The following FER1L5 variants were observed in gnomAD, a reference collection of about 807,000 sequenced individuals.
FER1L5 encodes the protein fer-1-like protein 5.
FER1L5 carries 187 observed loss-of-function variants against 279.9 expected under a neutral mutation model. The ratio of observed to expected loss-of-function variants is 0.67; its 90% confidence interval spans 0.59 to 0.75. FER1L5 has a LOEUF of 0.75. Among genes scored for constraint, FER1L5 ranks in the 30% least tolerant of loss-of-function variants. The pLI is 0.00. For synonymous variants in FER1L5, 921 were observed against 989.7 expected (o/e 0.93, Z 1.30); for missense variants, 2,091 against 2,594.4 (o/e 0.81, Z 4.21).
Position 96,695,557 on chromosome 2 carries a change from C to T in FER1L5, c.3790C>T (p.Leu1264Phe), listed in dbSNP as rs778810330. 3.1e-6 allele frequency: 5 copies of T among 1,594,004 alleles called. No homozygotes were observed. Among genetic ancestry groups the T allele is most frequent in the Non-Finnish European group, 3.4e-6 (4 of 1,170,694 alleles). Residue 1264 changes from leucine to phenylalanine, a missense_variant, in exon 35 of 53, where the codon CTC becomes TTC. Coordinates refer to ENST00000624922, the MANE Select transcript of FER1L5 (RefSeq NM_001293083.2). ...CATGAAGAAGGCGAGCTCCCCCCAG[C>T]TCCTGGTGGAATTCGGGGAAGAGTC... ...RNMKKASSPQ[L>F]LVEFGEESLR...
intron 24 of FER1L5, 128 bp downstream of exon 24, chr2:96,688,075 C>A (rs2077000805): frequency 1.6e-6 from 2 of 1,250,996 alleles, no homozygotes; most frequent in African/African-American, 1.5e-5. Context: ...GCTGCAGTAG[C>A]CCTGCACTGA....
intron 18 of FER1L5, 53 bp downstream of exon 18, chr2:96,670,300 G>A (rs370147038): frequency 1.4e-5 from 22 of 1,544,014 alleles, no homozygotes; most frequent in African/African-American, 1.2e-4. Context: ...TGTCTGCCCC[G>A]GATCTACTGT....
At chr2:96,683,224 A>G (rs181429104) in intron 19 of FER1L5, among the ~76,000 whole-genome samples, 33 of 152,308 alleles carry the variant, frequency 2.2e-4, no homozygotes, top group Admixed American at 1.4e-3. Context: ...ATTCTTTCAT[A>G]GGTCTGGAGG....
chr2:96,691,768 G>T lies in FER1L5; in HGVS notation c.3076-57G>T. 1.3e-6 allele frequency: 2 copies of T among 1,551,630 alleles called. No individual in the cohort carries two copies. The highest frequency in any genetic ancestry group is 1.7e-6 in the Non-Finnish European group (2 of 1,146,982). On this transcript the variant is annotated intron_variant, in intron 29 of 52. Transcript: ENST00000624922. The surrounding 1 kb of genome is among the most constrained non-coding windows in gnomAD (Gnocchi z 6.0). ...GAGGGAGGAGGGTGACTGGGCCTGGGCTAGAGGAAACAGGAGCAGCACCCA... is the reference window on the plus strand; with the variant it reads ...GAGGGAGGAGGGTGACTGGGCCTGGTCTAGAGGAAACAGGAGCAGCACCCA...
In FER1L5 at chr2:96,670,264, G is replaced by C; in HGVS notation, c.1491+17G>C. The C allele has an allele frequency of 1.9e-6, 3 of 1,549,146 alleles. No individual in the cohort carries two copies. In the Middle Eastern group the frequency reaches 5.0e-4, roughly 259 times the overall value. ...AGGATAGAGGTAACTGCGGGAAACA[G>C]GTAACCCAGGGAAAAACAAGAGCCC... On this transcript the variant is annotated intron_variant, in intron 18 of 52. Coordinates refer to ENST00000624922, the MANE Select transcript of FER1L5 (RefSeq NM_001293083.2).
chr2:96,686,755 G>A (rs998681371), intron 23 of FER1L5, among the ~76,000 whole-genome samples: 11 of 151,788 alleles, frequency 7.2e-5, no homozygotes, highest in African/African-American at 2.2e-4. Flanking sequence ...CTACATGGGA[G>A]GCTGAGGCAG....
intron 6 of FER1L5, 47 bp downstream of exon 6, chr2:96,650,336 T>C (rs1306384390): frequency 2.7e-6 from 4 of 1,477,782 alleles, no homozygotes; most frequent in Non-Finnish European, 3.7e-6. Flanking sequence ...CCTGACACTC[T>C]TGTTTGCTGT....
At position 96,673,098 on chromosome 2, in the gene FER1L5, T is replaced by C; in HGVS notation, c.1513T>C (p.Tyr505His). ...TCAGAAGCACCAGAACCGCCAAAAG[T>C]ATGGGCTGTGCGTCATCTTCCTTTC... The part of the protein sequence containing the change: ...RIEKHQNRQK[Y>H]GLCVIFLSCT... Residue 505 changes from tyrosine to histidine, a missense_variant, in exon 19 of 53, where the codon TAT becomes CAT. Coordinates refer to ENST00000624922, the MANE Select transcript of FER1L5 (RefSeq NM_001293083.2). 1.3e-6 allele frequency: 2 copies of C among 1,551,484 alleles called. No homozygotes were observed. Among genetic ancestry groups the C allele is most frequent in the African/African-American group, 2.7e-5 (2 of 73,124 alleles).
Position 96,699,926 on chromosome 2 carries a change from CCACA to C in FER1L5, c.4782-5_4782-2del. ...TCCAGACCTCTTCCTCTCACATCCCCCACAGGTCAGGGCCCTTTAGATGGCGGGA... is the reference window on the plus strand; with the variant it reads ...TCCAGACCTCTTCCTCTCACATCCCCGGTCAGGGCCCTTTAGATGGCGGGA... On this transcript the variant is annotated splice_acceptor_variant and splice_polypyrimidine_tract_variant and intron_variant, in intron 43 of 52. Coordinates refer to ENST00000624922, the MANE Select transcript of FER1L5 (RefSeq NM_001293083.2). LOFTEE classifies it high-confidence loss of function. The C allele has an allele frequency of 6.2e-7, 1 of 1,613,384 alleles. No individual in the cohort carries two copies. Among genetic ancestry groups the C allele is most frequent in the Non-Finnish European group, 8.5e-7 (1 of 1,179,650 alleles).
chr2:96,697,895 C>G, intron 39 of FER1L5, 134 bp downstream of exon 39: 1 of 1,445,996 alleles, frequency 6.9e-7, no homozygotes, highest in Non-Finnish European at 9.4e-7. Flanking sequence ...CTCCAGCTGC[C>G]ACCCTGTCTG....
intron 19 of FER1L5, among the ~76,000 whole-genome samples, chr2:96,681,004 G>A (rs536819565): frequency 2.4e-4 from 36 of 152,368 alleles, no homozygotes; most frequent in South Asian, 6.2e-4. Context: ...GATTGCAGGC[G>A]TGAGCCGCCG....
intron 23 of FER1L5, 179 bp from the exon 24 acceptor site, chr2:96,687,637 A>C (rs1435315086): frequency 1.4e-5 from 13 of 961,926 alleles, no homozygotes; most frequent in Non-Finnish European, 2.0e-5. Flanking sequence ...GAGCCACCCC[A>C]CTCTGGAGGG....
chr2:96,676,035 A>T (rs561552063), intron 19 of FER1L5, among the ~76,000 whole-genome samples: 2 of 151,760 alleles, frequency 1.3e-5, no homozygotes, highest in Non-Finnish European at 2.9e-5. Flanking sequence ...TTATCGTTTT[A>T]TCTTTTTTGT....
intron 9 of FER1L5, among the ~76,000 whole-genome samples, chr2:96,658,499 G>A (rs910472418): frequency 2.7e-5 from 4 of 150,514 alleles, no homozygotes; most frequent in Non-Finnish European, 5.9e-5. Flanking sequence ...GTATTAGCCC[G>A]CCTCGGCCTC....
rs1208328139 is a variant in FER1L5 at position 96,684,446 on chromosome 2, C to T, written c.1789C>T (p.Arg597Cys). ...CAACCTCCTCCACTTCACTCGGGAC[C>T]GCCTGGTGAGTGGTGCGGGAGCCGA... The part of the protein sequence containing the change: ...CLNLLHFTRD[R>C]LKANLDTLKS... Residue 597 changes from arginine (R) to cysteine (C), a missense_variant, in exon 20 of 53, where the codon CGC (arginine) becomes TGC (cysteine). By Grantham distance (180) the Arg-to-Cys change is radical. Transcript: ENST00000624922. 7 of 1,551,354 alleles carry T rather than the reference C, an allele frequency of 4.5e-6. No homozygotes were observed. The highest frequency in any genetic ancestry group is 4.9e-5 in the East Asian group (2 of 40,922).
chr2:96,692,028 G>T (rs901588964), intron 30 of FER1L5, 65 bp downstream of exon 30: 27 of 1,028,056 alleles, frequency 2.6e-5, no homozygotes, highest in South Asian at 4.2e-5. Flanking sequence ...GCGGGGGGGG[G>T]GGACAGGGTG....
chr2:96,692,924 T>C (rs2077209036), intron 31 of FER1L5, among the ~76,000 whole-genome samples: 1 of 152,118 alleles, frequency 6.6e-6, no homozygotes, highest in African/African-American at 2.4e-5. Context: ...ACACCTGTAA[T>C]TCCTGCACTT....
rs1426725883 is a variant in FER1L5, at chr2:96,700,454, C to A, written c.5053C>A (p.Gln1685Lys). Residue 1685 changes from glutamine to lysine, a missense_variant, in exon 45 of 53, where the codon CAG becomes AAG. Coordinates refer to ENST00000624922, the MANE Select transcript of FER1L5 (RefSeq NM_001293083.2). The stretch of plus-strand genomic sequence containing the variant: ...GACCCGCACACTGTACAGCCACAGC[C>A]AGCCAGGCATCGACCAGGTATGAGA... ...VETRTLYSHSQPGIDQGKVQM... is the reference protein window; with the variant it reads ...VETRTLYSHSKPGIDQGKVQM... The A allele has an allele frequency of 6.2e-7, 1 of 1,613,598 alleles. No homozygotes were observed. The highest frequency in any genetic ancestry group is 1.1e-5 in the South Asian group (1 of 91,076).
Position 96,686,283 on chromosome 2 carries a change from T to C in FER1L5, c.2162T>C (p.Leu721Pro), listed in dbSNP as rs757596822. The C allele has an allele frequency of 1.3e-6, 2 of 1,551,618 alleles. No homozygotes were observed. Among genetic ancestry groups the C allele is most frequent in the Non-Finnish European group, 1.7e-6 (2 of 1,146,974 alleles). ...AYAQVPAHSV[L>P]FSPAGALHSG... is the part of the protein sequence containing the mutation. ...GCACAGGTGCCTGCCCACTCCGTCC[T>C]CTTCTCCCCGGCAGGGGCTCTGCAC... Residue 721 changes from leucine (L) to proline (P), a missense_variant, in exon 23 of 53, where the codon CTC (leucine) becomes CCC (proline). Coordinates refer to ENST00000624922, the MANE Select transcript of FER1L5 (RefSeq NM_001293083.2).
Sources: gnomAD v4.1 joint callset for allele counts (sites outside exome capture counted in the v4.1 genomes callset) on GRCh38, gnomAD v4.1.1 for gene constraint, Gnocchi (gnomAD v3.1) non-coding constraint, MANE v1.5 for transcripts, NCBI Gene and HGNC (gene_info 2026-07-23, HGNC 2026-07-21) for gene names.